Variants in ZRANB1 observed in about 807,000 individuals in gnomAD.
ZRANB1 encodes the protein ubiquitin thioesterase ZRANB1.
Under a neutral mutation model 80.5 loss-of-function variants are expected in ZRANB1, and 16 were observed. That is an observed-to-expected ratio of 0.20 (90% confidence interval 0.13 to 0.30). The LOEUF is 0.30. Among genes scored for constraint, ZRANB1 ranks in the 10% least tolerant of loss-of-function variants. The probability of loss-of-function intolerance (pLI) is 1.00; values close to 1 mark genes in which losing one functional copy is unlikely to be tolerated. For synonymous variants in ZRANB1, 291 were observed against 293.1 expected (o/e 0.99, Z 0.07); for missense variants, 576 against 862.6 (o/e 0.67, Z 4.16).
At position 124,983,053 on chromosome 10, in the gene ZRANB1, A is replaced by G. The variant is rs1013462600; in HGVS notation, c.1549-122A>G. 72 of 971,778 alleles carry G rather than the reference A, an allele frequency of 7.4e-5. No individual in the cohort carries two copies. The highest frequency in any genetic ancestry group is 9.5e-5 in the Non-Finnish European group (64 of 674,364). 60.2% of individuals were successfully genotyped at this position (971,778 alleles called of 1,614,324 possible). On this transcript the variant is annotated intron_variant, in intron 6 of 8. Coordinates refer to ENST00000359653, the MANE Select transcript of ZRANB1 (RefSeq NM_017580.3). The surrounding 1 kb of genome is among the most constrained non-coding windows in gnomAD (Gnocchi z 6.2). ...TGAGGAATCAAATGCTGCTTTGACA[A>G]TCTTTTCTTTCTTAAAAACCAACTG...
the ZRANB1 span, among the ~76,000 whole-genome samples, chr10:124,933,205 C>T: frequency 7.7e-5 from 9 of 117,342 alleles, no homozygotes; most frequent in East Asian, 2.9e-4. Context: ...GGCGCGATCT[C>T]GGCTCACTGC....
intron 2 of ZRANB1, among the ~76,000 whole-genome samples, chr10:124,969,917 G>A (rs1031798530): frequency 1.3e-5 from 2 of 152,122 alleles, no homozygotes; most frequent in Admixed American, 1.3e-4. Flanking sequence ...GGATGGTGGT[G>A]GAAGGGGTTG....
rs528026319 is a variant in ZRANB1 at position 124,983,960 on chromosome 10, G to A, written c.1908+272G>A. Among the ~76,000 whole-genome samples, 13 of 152,312 alleles carry A rather than the reference G, an allele frequency of 8.5e-5. 1 individual carries two copies. Among genetic ancestry groups the A allele is most frequent in the Admixed American group, 6.5e-4 (10 of 15,296 alleles). On this transcript the variant is annotated intron_variant, in intron 8 of 8. Transcript: ENST00000359653. This position sits in a 1 kb window ranked among gnomAD's most constrained non-coding sequence, Gnocchi z 6.2. ...AATATGGCATTTTAGGGAATGAGAA[G>A]TGAGTTTTTATCTGAAAGCAGAGTT... is the stretch of plus-strand genomic sequence containing the variant.
chr10:124,932,906 A>G, the ZRANB1 span, among the ~76,000 whole-genome samples: 7 of 152,038 alleles, frequency 4.6e-5, no homozygotes, highest in East Asian at 5.8e-4. Context: ...TTTACCACCT[A>G]TATATATTCT....
At chr10:124,923,138 TTGGC>T in the ZRANB1 span, among the ~76,000 whole-genome samples, 1 of 151,274 alleles carries the variant, frequency 6.6e-6, no homozygotes, top group Non-Finnish European at 1.5e-5. Flanking sequence ...AACACAAAAA[TTGGC>T]TGGGCATGGT....
chr10:124,932,908 A>G, the ZRANB1 span, among the ~76,000 whole-genome samples: 1 of 151,894 alleles, frequency 6.6e-6, no homozygotes. Flanking sequence ...TACCACCTAT[A>G]TATATTCTTC....
Position 124,942,859 on chromosome 10 carries a change from C to T in ZRANB1, c.366C>T (p.Ser122=). The T allele has an allele frequency of 1.9e-6, 3 of 1,614,202 alleles. No individual in the cohort carries two copies. The highest frequency in any genetic ancestry group is 2.5e-6 in the Non-Finnish European group (3 of 1,180,046). ...RTRSPTESPQ[S]SGSGSRPVAF... is the part of the protein sequence containing the mutation. The stretch of plus-strand genomic sequence containing the variant: ...GGAGTCCTACAGAATCTCCTCAGTC[C>T]TCAGGATCTGGCTCAAGACCAGTTG... The change falls in exon 1 of 9, where the codon TCC becomes TCT. Residue 122 remains serine, a synonymous_variant. Coordinates refer to ENST00000359653, the MANE Select transcript of ZRANB1 (RefSeq NM_017580.3).
the ZRANB1 span, chr10:124,917,194 G>GCCGCCGCCA: frequency 5.8e-6 from 1 of 171,502 alleles, no homozygotes; most frequent in Non-Finnish European, 1.2e-5. Flanking sequence ...CGCCGCCGCC[G>GCCGCCGCCA]CCGCCGCCGC....
At chr10:124,936,803 G>A in the ZRANB1 span, among the ~76,000 whole-genome samples, 3 of 152,108 alleles carry the variant, frequency 2.0e-5, no homozygotes, top group Non-Finnish European at 4.4e-5. Context: ...TGGAAAATCC[G>A]TTTTAGTTTT....
At chr10:124,921,337 A>G in the ZRANB1 span, among the ~76,000 whole-genome samples, 1 of 152,224 alleles carries the variant, frequency 6.6e-6, no homozygotes, top group Non-Finnish European at 1.5e-5. Context: ...GGCAGATGAG[A>G]CAGGAGAATA....
intron 1 of ZRANB1, among the ~76,000 whole-genome samples, chr10:124,954,662 G>A (rs1278095757): frequency 6.7e-6 from 1 of 149,652 alleles, no homozygotes; most frequent in African/African-American, 2.5e-5. Flanking sequence ...TGGCCAGGCT[G>A]GTCTCGAACT....
chr10:124,959,460 C>CTT (rs771950131), intron 1 of ZRANB1, among the ~76,000 whole-genome samples: 1 of 145,492 alleles, frequency 6.9e-6, no homozygotes, highest in African/African-American at 2.5e-5. Context: ...CAGTGGTAAA[C>CTT]TTTTTTTTTT....
At position 124,988,164 on chromosome 10, in the gene ZRANB1, A is replaced by G. The variant is rs1229634494; in HGVS notation, c.*3172A>G. ...ACTTGTGTGAGGTTTTGATTTTTCA[A>G]TTAAACTTTTTGTTATCACAGGTAA... On this transcript the variant is annotated 3_prime_UTR_variant, in exon 9 of 9. Transcript: ENST00000359653. 3.3e-5 allele frequency: 5 copies of G among 152,612 alleles called. No individual in the cohort carries two copies. The highest frequency in any genetic ancestry group is 1.9e-4 in the East Asian group (1 of 5,194). 9.5% of individuals were successfully genotyped at this position (152,612 alleles called of 1,614,324 possible).
chr10:124,976,563 T>A (rs1456820384), intron 5 of ZRANB1, among the ~76,000 whole-genome samples: 1 of 121,800 alleles, frequency 8.2e-6, no homozygotes, highest in East Asian at 2.6e-4. Flanking sequence ...GGTGGTAATT[T>A]CCTTTTTTTT....
At position 124,983,324 on chromosome 10, in the gene ZRANB1, C is replaced by T. The variant is rs144485121; in HGVS notation, c.1678+20C>T. 1.9e-3 allele frequency: 3,047 copies of T among 1,612,178 alleles called. 6 individuals are homozygous for T. The highest frequency in any genetic ancestry group is 3.0e-3 in the South Asian group (270 of 90,782). Reference sequence around the variant, plus strand: ...TTCAAGGTAAGCCATTATTCAGGAACGTTTTACAAGTTTCTTTGAACGGAA... The same window carrying T: ...TTCAAGGTAAGCCATTATTCAGGAATGTTTTACAAGTTTCTTTGAACGGAA... On this transcript the variant is annotated intron_variant, in intron 7 of 8. Transcript: ENST00000359653. The surrounding 1 kb of genome is among the most constrained non-coding windows in gnomAD (Gnocchi z 6.2).
chr10:124,933,224 C>T, the ZRANB1 span, among the ~76,000 whole-genome samples: 3 of 54,314 alleles, frequency 5.5e-5, no homozygotes, highest in Admixed American at 1.5e-4. Context: ...GCAACGTCCA[C>T]CTCCCAGGTT....
At position 124,987,167 on chromosome 10, in the gene ZRANB1, A is replaced by AAAAC. The variant is rs1444747971; in HGVS notation, c.*2177_*2180dup. On this transcript the variant is annotated 3_prime_UTR_variant, in exon 9 of 9. Transcript: ENST00000359653. ...TGCTATATTATGCTCTTGAACTATTAAAACAGCCATAATTATTGTCCCAAG... is the reference window on the plus strand; with the variant it reads ...TGCTATATTATGCTCTTGAACTATTAAAACAAACAGCCATAATTATTGTCCCAAG... 1.3e-5 allele frequency: 2 copies of AAAAC among 151,616 alleles called. No individual in the cohort carries two copies. Among genetic ancestry groups the AAAAC allele is most frequent in the South Asian group, 2.1e-4 (1 of 4,772 alleles). The allele number at this position is 151,616 out of a possible 1,614,324, so 9.4% of individuals were successfully genotyped here. A position where few individuals can be genotyped will look rare whatever the true frequency, so the allele number is the denominator to read the frequency against.
the ZRANB1 span, among the ~76,000 whole-genome samples, chr10:124,928,373 T>C: frequency 6.6e-6 from 1 of 152,180 alleles, no homozygotes; most frequent in Non-Finnish European, 1.5e-5. Flanking sequence ...AGTGATCTCC[T>C]TAAGTGTGGA....
chr10:124,944,261 TA>T (rs1373946879), intron 1 of ZRANB1, among the ~76,000 whole-genome samples: 1 of 152,208 alleles, frequency 6.6e-6, no homozygotes, highest in Non-Finnish European at 1.5e-5. Context: ...CATTTGGTCT[TA>T]TGAGGGAAAT....
Sources: allele counts gnomAD v4.1 joint callset (sites outside exome capture counted in the v4.1 genomes callset), GRCh38; gene constraint gnomAD v4.1.1; non-coding constraint Gnocchi (gnomAD v3.1); transcripts MANE v1.5; gene names NCBI Gene and HGNC (gene_info 2026-07-23, HGNC 2026-07-21).